BRWD3: variants seen among roughly 807,000 people sequenced by gnomAD.
BRWD3 encodes bromodomain and WD repeat domain containing 3.
BRWD3 carries 10 observed loss-of-function variants against 149.7 expected under a neutral mutation model. The ratio of observed to expected loss-of-function variants is 0.07; its 90% CI spans 0.04 to 0.11. The LOEUF (loss-of-function observed/expected upper bound fraction) is 0.11, where lower values mean the gene tolerates loss of function less well. Ranked by LOEUF, BRWD3 falls within the 10% of genes least tolerant of loss-of-function variation. BRWD3 has a pLI of 1.00. For missense variants in BRWD3, 940 were observed against 1,373.2 expected (o/e 0.68, Z 4.99); for synonymous variants, 504 against 456.7 (o/e 1.10, Z -1.32).
chrX:80,712,987 G>A (rs1263862993), intron 20 of BRWD3, among the ~76,000 whole-genome samples: 1 of 108,694 alleles, frequency 9.2e-6, no homozygotes, highest in Non-Finnish European at 1.9e-5. Context: ...GAGCGTCTCC[G>A]CCCGGCAGCC....
intron 6 of BRWD3, among the ~76,000 whole-genome samples, chrX:80,783,247 C>T (rs976331003): frequency 2.7e-5 from 3 of 109,777 alleles, no homozygotes; most frequent in African/African-American, 6.6e-5. Context: ...ATTAGCCAGG[C>T]ATAGTAGTGC....
intron 21 of BRWD3, 148 bp from the exon 22 acceptor site, chrX:80,707,651 G>A (rs1741482073): frequency 5.9e-6 from 3 of 509,988 alleles, no homozygotes; most frequent in Middle Eastern, 3.7e-4. Context: ...ATTGTTCTAA[G>A]TATATCTGTA....
chrX:80,723,919 C>T (rs2073185540), intron 15 of BRWD3, 43 bp from the exon 16 acceptor site: 14 of 1,173,290 alleles, frequency 1.2e-5, no homozygotes, highest in Non-Finnish European at 1.4e-5. Context: ...GAGTAATTTT[C>T]AAATAATAGA....
chrX:80,701,769 A>AT (rs201400950), intron 24 of BRWD3, among the ~76,000 whole-genome samples: 3,714 of 110,435 alleles, frequency 0.034, 77 homozygotes, highest in South Asian at 0.15. Context: ...AATACACGTC[A>AT]TTAAGATATC....
intron 27 of BRWD3, among the ~76,000 whole-genome samples, chrX:80,694,927 A>G (rs2072662677): frequency 9.1e-6 from 1 of 110,210 alleles, no homozygotes; most frequent in Non-Finnish European, 1.9e-5. Context: ...TTGAAATGAG[A>G]ACATGAGATT....
At chrX:80,722,916 C>T (rs2073170467) in intron 16 of BRWD3, 129 bp from the exon 17 acceptor site, 1 of 553,207 alleles carries the variant, frequency 1.8e-6, no homozygotes, top group Non-Finnish European at 3.1e-6. Context: ...TCCTTTGTTG[C>T]CCTGTATTCC....
rs761325598 is a variant in BRWD3, at chrX:80,734,976, C to G, written c.985+151G>C. The G allele has an allele frequency of 6.8e-5, 33 of 486,257 alleles. 2 individuals carry two copies. In the South Asian group the frequency reaches 9.9e-4, roughly 15 times the overall value. 40.1% of individuals were successfully genotyped at this position (486,257 alleles called of 1,213,427 possible). A position where few individuals can be genotyped will look rare whatever the true frequency, so the allele number is the denominator to read the frequency against. On this transcript the variant is annotated intron_variant, in intron 10 of 40. Transcript: ENST00000373275. ...ATCAACCTTACACATTACTTAGAGT[C>G]CAAAAGAGTTTATCTATCATAACAC...
At chrX:80,750,857 T>TACACAAAC (rs2073656022) in intron 6 of BRWD3, among the ~76,000 whole-genome samples, 1 of 93,950 alleles carries the variant, frequency 1.1e-5, no homozygotes, top group African/African-American at 4.0e-5. Flanking sequence ...ATGTGTTTTA[T>TACACAAAC]ACACACACAC....
At chrX:80,770,021 G>A (rs1602414821) in intron 6 of BRWD3, among the ~76,000 whole-genome samples, 1 of 111,195 alleles carries the variant, frequency 9.0e-6, no homozygotes, top group South Asian at 3.8e-4. Context: ...TAAATTCCTC[G>A]ACACATACAC....
At chrX:80,806,534 C>T (rs1396972101) in intron 4 of BRWD3, among the ~76,000 whole-genome samples, 6 of 111,642 alleles carry the variant, frequency 5.4e-5, no homozygotes, top group Non-Finnish European at 3.8e-5. Context: ...CTCATGAGAC[C>T]CTTTGACCTG....
chrX:80,703,206 T>C lies in BRWD3; in HGVS notation c.2835+274A>G, dbSNP rs1214597888. On this transcript the variant is annotated intron_variant, in intron 24 of 40. Transcript: ENST00000373275. ...TACTAAGTGGCAATTCAGATTAAAA[T>C]AAAGCCAATTATTTTTATGACTTCA... Among the ~76,000 whole-genome samples the C allele has an allele frequency of 7.2e-5, 8 of 110,954 alleles. No homozygotes were observed. In the East Asian group the frequency reaches 2.3e-3, roughly 31 times the overall value.
At chrX:80,776,819 G>A (rs1465270550) in intron 6 of BRWD3, among the ~76,000 whole-genome samples, 1 of 111,262 alleles carries the variant, frequency 9.0e-6, no homozygotes, top group East Asian at 2.8e-4. Flanking sequence ...TACCCGATCC[G>A]TAGTTAATTC....
rs2073952017 is a variant in BRWD3, at chrX:80,772,226, C to A, written c.430+19628G>T. Among the ~76,000 whole-genome samples the A allele has an allele frequency of 2.7e-5, 3 of 112,009 alleles. No individual in the cohort carries two copies. The South Asian group carries it at 1.1e-3, about 42-fold the overall frequency. On this transcript the variant is annotated intron_variant, in intron 6 of 40. Transcript: ENST00000373275. ...AAGACTTGGAACCAACCCAAATGTC[C>A]ATCAATGATAGACCAGATTAAGAAA... is the stretch of plus-strand genomic sequence containing the variant.
intron 40 of BRWD3, among the ~76,000 whole-genome samples, chrX:80,679,017 G>A (rs1029936360): frequency 8.9e-6 from 1 of 111,899 alleles, no homozygotes; most frequent in African/African-American, 3.2e-5. Context: ...GCAAGGCCAC[G>A]TGAGGACAAA....
chrX:80,738,870 CAGT>C (rs2073444490), intron 8 of BRWD3, among the ~76,000 whole-genome samples: 1 of 111,655 alleles, frequency 9.0e-6, no homozygotes, highest in Non-Finnish European at 1.9e-5. Flanking sequence ...AACAAACACG[CAGT>C]AGATGAGATT....
At position 80,807,623 on chromosome X, in the gene BRWD3, C is replaced by T. The variant is rs769625370; in HGVS notation, c.180+916G>A. ...GCAGCAGCTAACACAAGGGAACCTC[C>T]CCCGCAAAATAAAAAGGATCACCTG... is the stretch of plus-strand genomic sequence containing the variant. On this transcript the variant is annotated intron_variant, in intron 4 of 40. Coordinates refer to ENST00000373275, the MANE Select transcript of BRWD3 (RefSeq NM_153252.5). 2.7e-5 allele frequency among the ~76,000 whole-genome samples: 3 copies of T among 111,697 alleles called. No homozygotes were observed. In the South Asian group the frequency reaches 1.1e-3, roughly 42 times the overall value.
At chrX:80,808,915 G>T in intron 3 of BRWD3, 98 bp downstream of exon 3, 2 of 969,729 alleles carry the variant, frequency 2.1e-6, no homozygotes, top group Non-Finnish European at 1.4e-6. Flanking sequence ...TACCCAGATC[G>T]AAGCCTCTAT....
rs537845961 is a variant in BRWD3, at chrX:80,743,850, A to T, written c.813+182T>A. Reference sequence around the variant, plus strand: ...ATCATCTTTTTAGTTATTTATTAAAAAAGATAATCATATGAAAAAGGAACT... The same window carrying T: ...ATCATCTTTTTAGTTATTTATTAAATAAGATAATCATATGAAAAAGGAACT... On this transcript the variant is annotated intron_variant, in intron 8 of 40. Transcript: ENST00000373275. 11 of 395,750 alleles carry T rather than the reference A, an allele frequency of 2.8e-5. No individual in the cohort carries two copies. The Admixed American group carries it at 4.8e-4, about 17-fold the overall frequency. 32.6% of individuals were successfully genotyped at this position (395,750 alleles called of 1,213,427 possible).
chrX:80,741,317 C>T (rs2147785883), intron 8 of BRWD3, among the ~76,000 whole-genome samples: 1 of 111,981 alleles, frequency 8.9e-6, no homozygotes, highest in South Asian at 3.7e-4. Context: ...CATTGTTGGA[C>T]ATTTGGGTTG....
Sources: gnomAD v4.1 joint callset for allele counts (sites outside exome capture counted in the v4.1 genomes callset) on GRCh38, gnomAD v4.1.1 for gene constraint, MANE v1.5 for transcripts, NCBI Gene and HGNC (gene_info 2026-07-23, HGNC 2026-07-21) for gene names.